CFAP107: variants seen among roughly 807,000 people sequenced by gnomAD.
CFAP107 encodes the protein cilia and flagella associated protein 107, also known as cilia- and flagella-associated protein 107.
At chr1:12,756,110 G>T in the CFAP107 span, among the ~76,000 whole-genome samples, 2 of 152,238 alleles carry the variant, frequency 1.3e-5, no homozygotes, top group Non-Finnish European at 2.9e-5. Context: ...AAAGGTAAAT[G>T]ATGCATATAG....
the CFAP107 span, chr1:12,760,976 A>G: frequency 6.3e-7 from 1 of 1,586,442 alleles, no homozygotes; most frequent in Admixed American, 1.7e-5. Flanking sequence ...GGAGCAGCTC[A>G]GATAGAATCA....
the CFAP107 span, chr1:12,760,905 C>T: frequency 1.1e-4 from 183 of 1,613,682 alleles, no homozygotes; most frequent in Admixed American, 1.5e-4. Context: ...AGGGAGCATG[C>T]GGTCCCGGTC....
chr1:12,752,435 A>C, the CFAP107 span, among the ~76,000 whole-genome samples: 1,585 of 151,562 alleles, frequency 0.01, 16 homozygotes, highest in African/African-American at 0.037. Flanking sequence ...AAATACAAAA[A>C]TTAGCTGGGC....
the CFAP107 span, chr1:12,755,854 C>T: frequency 1.4e-6 from 2 of 1,402,098 alleles, no homozygotes; most frequent in Non-Finnish European, 2.0e-6. Context: ...GCCTGGACCC[C>T]ACCCAAAGCT....
At chr1:12,755,606 A>C in the CFAP107 span, 1 of 816,084 alleles carries the variant, frequency 1.2e-6, no homozygotes, top group Non-Finnish European at 2.1e-6. Context: ...CCTTTTCCCT[A>C]CCCATCTTCT....
the CFAP107 span, among the ~76,000 whole-genome samples, chr1:12,754,608 G>A: frequency 6.6e-6 from 1 of 152,188 alleles, no homozygotes; most frequent in East Asian, 1.9e-4. Context: ...TGCAACCCAA[G>A]TACCCACTGA....
chr1:12,757,806 G>T, the CFAP107 span, among the ~76,000 whole-genome samples: 2 of 151,786 alleles, frequency 1.3e-5, no homozygotes, highest in African/African-American at 4.8e-5. Context: ...GCTTCATGTT[G>T]CCCTCCTTCT....
At chr1:12,756,352 T>C in the CFAP107 span, among the ~76,000 whole-genome samples, 40 of 152,288 alleles carry the variant, frequency 2.6e-4, 1 homozygote, top group Middle Eastern at 0.014. Context: ...AGGAGGGGCA[T>C]TTGAGACTAT....
chr1:12,760,926 G>C, the CFAP107 span: 16 of 1,613,058 alleles, frequency 9.9e-6, no homozygotes, highest in Middle Eastern at 1.7e-4. Flanking sequence ...CCTCCCCATC[G>C]CCTGCATCCT....
chr1:12,747,394 A>G, the CFAP107 span, among the ~76,000 whole-genome samples: 2 of 152,148 alleles, frequency 1.3e-5, no homozygotes, highest in East Asian at 3.9e-4. Context: ...AAACAGAACA[A>G]TTTGGCTCTT....
At chr1:12,761,417 C>A in the CFAP107 span, 1 of 153,710 alleles carries the variant, frequency 6.5e-6, no homozygotes, top group South Asian at 2.1e-4. Context: ...GGGGAAGGAC[C>A]CCAGCTTGTC....
the CFAP107 span, chr1:12,760,888 G>T: frequency 6.2e-7 from 1 of 1,614,102 alleles, no homozygotes; most frequent in Non-Finnish European, 8.5e-7. Flanking sequence ...TGTGCGCTAT[G>T]TCCTGGAGGG....
the CFAP107 span, among the ~76,000 whole-genome samples, chr1:12,755,326 A>T: frequency 2.0e-5 from 3 of 151,982 alleles, no homozygotes; most frequent in Admixed American, 6.6e-5. Context: ...AATTGCTTGA[A>T]CCCGAGAGGC....
At chr1:12,757,571 A>G in the CFAP107 span, among the ~76,000 whole-genome samples, 2 of 151,912 alleles carry the variant, frequency 1.3e-5, no homozygotes, top group African/African-American at 4.8e-5. Flanking sequence ...TTTTTAGTAG[A>G]GATAGGGTTT....
chr1:12,753,522 CATAGACCT>C, the CFAP107 span: 1 of 152,022 alleles, frequency 6.6e-6, no homozygotes, highest in Non-Finnish European at 1.5e-5. Flanking sequence ...CAGATAGATA[CATAGACCT>C]ATAGAACAAA....
the CFAP107 span, chr1:12,755,615 C>T: frequency 1.1e-6 from 1 of 883,070 alleles, no homozygotes; most frequent in South Asian, 1.4e-5. Flanking sequence ...TACCCATCTT[C>T]TGATGGCCCA....
At chr1:12,760,495 C>T in the CFAP107 span, among the ~76,000 whole-genome samples, 5 of 152,322 alleles carry the variant, frequency 3.3e-5, no homozygotes, top group Admixed American at 2.0e-4. Context: ...CACGCACAAC[C>T]ACACCATGGG....
chr1:12,754,980 G>T, the CFAP107 span, among the ~76,000 whole-genome samples: 1 of 152,208 alleles, frequency 6.6e-6, no homozygotes, highest in Non-Finnish European at 1.5e-5. Context: ...CCGTAGAGTT[G>T]AAAATGGCTA....
chr1:12,749,951 T>G, the CFAP107 span, among the ~76,000 whole-genome samples: 1 of 152,290 alleles, frequency 6.6e-6, no homozygotes, highest in Admixed American at 6.5e-5. Flanking sequence ...GTAGACAAAC[T>G]TAAAAGCCAG....
Sources: gnomAD v4.1 joint callset for allele counts (sites outside exome capture counted in the v4.1 genomes callset) on GRCh38, gnomAD v4.1.1 for gene constraint, MANE v1.5 for transcripts, NCBI Gene and HGNC (gene_info 2026-07-23, HGNC 2026-07-21) for gene names.